Variants in TLDC2 observed in about 807,000 individuals in gnomAD.
TLDC2 encodes the protein TBC/LysM-associated domain containing 2.
In TLDC2, 23 loss-of-function variants were observed where a neutral mutation model predicts 27.9. That is an observed-to-expected ratio of 0.82 (90% CI 0.59 to 1.17). TLDC2 has a LOEUF of 1.17. Ranked by LOEUF, TLDC2 falls within the 50% of genes most tolerant of loss-of-function variation. TLDC2 has a pLI of 0.00. For missense variants in TLDC2, 286 were observed against 273.4 expected (o/e 1.05, Z -0.32); for synonymous variants, 124 against 107.4 (o/e 1.16, Z -0.96).
At chr20:36,880,809 G>A in intron 4 of TLDC2, 59 bp downstream of exon 4, 1 of 1,496,052 alleles carries the variant, frequency 6.7e-7, no homozygotes, top group Non-Finnish European at 9.3e-7. Flanking sequence ...AAGCTCCCGG[G>A]GTCCCAGTGG....
At chr20:36,884,944 T>C (rs1041693189) in intron 4 of TLDC2, among the ~76,000 whole-genome samples, 95 of 132,842 alleles carry the variant, frequency 7.2e-4, no homozygotes, top group African/African-American at 2.5e-3. Flanking sequence ...AGTGGGGCAA[T>C]CTCAGCTCAC....
In TLDC2 at chr20:36,893,222, G is replaced by C. The variant is rs139005678; in HGVS notation, c.*378G>C. 6,041 of 855,800 alleles carry C rather than the reference G, an allele frequency of 7.1e-3. 36 individuals are homozygous for C. The highest frequency in any genetic ancestry group is 0.012 in the South Asian group (757 of 64,758). 53.0% of individuals were successfully genotyped at this position (855,800 alleles called of 1,614,324 possible). A position where few individuals can be genotyped will look rare whatever the true frequency, so the allele number is the denominator to read the frequency against. ...GGAAACTCCAAATTACATATGCCCT[G>C]TGCTTGGGGCAAATTAGAAACACTA... On this transcript the variant is annotated 3_prime_UTR_variant, in exon 7 of 7. Transcript: ENST00000217320.
intron 6 of TLDC2, chr20:36,890,978 A>T (rs1326032594): frequency 6.6e-6 from 1 of 152,190 alleles, no homozygotes; most frequent in Admixed American, 6.6e-5. Flanking sequence ...GATACACAGA[A>T]ATAAAATGAT....
rs1406821429 is a variant in TLDC2 at position 36,893,219 on chromosome 20, C to T, written c.*375C>T. ...CAGGGAAACTCCAAATTACATATGC[C>T]CTGTGCTTGGGGCAAATTAGAAACA... On this transcript the variant is annotated 3_prime_UTR_variant, in exon 7 of 7. Transcript: ENST00000217320. The T allele has an allele frequency of 9.8e-6, 9 of 918,608 alleles. No homozygotes were observed. Among genetic ancestry groups the T allele is most frequent in the Non-Finnish European group, 1.5e-5 (9 of 596,336 alleles). The allele number at this position is 918,608 out of a possible 1,614,324, so 56.9% of individuals were successfully genotyped here.
At chr20:36,892,277 G>A (rs1990094804) in intron 6 of TLDC2, 1 of 155,392 alleles carries the variant, frequency 6.4e-6, no homozygotes, top group African/African-American at 2.4e-5. Flanking sequence ...CTGGCACCTT[G>A]TAGGGGGCTA....
intron 1 of TLDC2, 133 bp downstream of exon 1, chr20:36,876,340 C>A: frequency 8.0e-7 from 1 of 1,244,018 alleles, no homozygotes. Context: ...CCCTGGCAGG[C>A]CTGTGGTTTG....
chr20:36,887,223 A>T (rs1220275620), intron 4 of TLDC2, among the ~76,000 whole-genome samples: 1 of 152,116 alleles, frequency 6.6e-6, no homozygotes, highest in Non-Finnish European at 1.5e-5. Context: ...CTATTCTAGA[A>T]CAAAGAGGCT....
At position 36,880,520 on chromosome 20, in the gene TLDC2, C is replaced by T. The variant is rs1208842719; in HGVS notation, c.343-135C>T. 6.2e-6 allele frequency: 4 copies of T among 645,282 alleles called. No homozygotes were observed. In the East Asian group the frequency reaches 8.1e-5, roughly 13 times the overall value. The allele number at this position is 645,282 out of a possible 1,614,324, so 40.0% of individuals were successfully genotyped here. On this transcript the variant is annotated intron_variant, in intron 3 of 6. Coordinates refer to ENST00000217320, the MANE Select transcript of TLDC2 (RefSeq NM_080628.3). ...AGGATTCCTGCTCTTGGGTGTGGAG[C>T]CCCCATGCCCCAGCTCTGCCCCAGC...
chr20:36,886,016 G>A (rs1989913112), intron 4 of TLDC2, among the ~76,000 whole-genome samples: 1 of 152,138 alleles, frequency 6.6e-6, no homozygotes, highest in African/African-American at 2.4e-5. Context: ...ATGGGCTTTG[G>A]GTGTTCCAGG....
chr20:36,888,413 A>G (rs1217850379), intron 5 of TLDC2, among the ~76,000 whole-genome samples: 4 of 151,792 alleles, frequency 2.6e-5, no homozygotes, highest in Admixed American at 2.6e-4. Flanking sequence ...TGTATTAAGA[A>G]TTGCTATCTT....
rs1163529687 is a variant in TLDC2 at position 36,877,396 on chromosome 20, AGG to A, written c.34-502_34-501del. On this transcript the variant is annotated intron_variant, in intron 1 of 6. Coordinates refer to ENST00000217320, the MANE Select transcript of TLDC2 (RefSeq NM_080628.3). ...ACCCTGTCTCAAAAAAAAAAAAAAA[AGG>A]AAAAAGAAAAAAGAAGAAGAAACAC... 4.3e-3 allele frequency among the ~76,000 whole-genome samples: 639 copies of A among 148,608 alleles called. 5 individuals are homozygous for A. Among genetic ancestry groups the A allele is most frequent in the African/African-American group, 0.015 (597 of 40,422 alleles).
intron 1 of TLDC2, among the ~76,000 whole-genome samples, chr20:36,876,673 TCACA>T (rs566494916): frequency 1.3e-4 from 19 of 149,916 alleles, no homozygotes; most frequent in Admixed American, 3.3e-4. Context: ...ACACACACAC[TCACA>T]CACTCAAACA....
intron 1 of TLDC2, 21 bp downstream of exon 1, chr20:36,876,228 T>G: frequency 6.2e-7 from 1 of 1,614,106 alleles, no homozygotes; most frequent in Non-Finnish European, 8.5e-7. Flanking sequence ...CAACTCCGTC[T>G]GTGGTGCAGG....
chr20:36,878,107 ACCCTCCTG>A, intron 2 of TLDC2, 53 bp downstream of exon 2: 1 of 1,560,464 alleles, frequency 6.4e-7, no homozygotes, highest in Non-Finnish European at 8.7e-7. Flanking sequence ...TAAGAGTCTC[ACCCTCCTG>A]CCCTACACCA....
At chr20:36,878,895 G>A in intron 2 of TLDC2, 146 bp from the exon 3 acceptor site, 1 of 1,183,614 alleles carries the variant, frequency 8.4e-7, no homozygotes, top group Admixed American at 1.9e-5. Flanking sequence ...TATGGCTGAT[G>A]GCATGAAAGT....
intron 4 of TLDC2, among the ~76,000 whole-genome samples, chr20:36,884,646 T>C (rs1324545074): frequency 6.6e-6 from 1 of 151,900 alleles, no homozygotes; most frequent in Non-Finnish European, 1.5e-5. Flanking sequence ...TAGTCCCAGC[T>C]ACCCCTGAGG....
chr20:36,891,057 C>A (rs189243836), intron 6 of TLDC2: 1 of 152,252 alleles, frequency 6.6e-6, no homozygotes, highest in Admixed American at 6.5e-5. Flanking sequence ...TATAGAGGCA[C>A]CTTGGCTAAA....
intron 6 of TLDC2, chr20:36,891,751 G>A: frequency 6.6e-6 from 1 of 152,664 alleles, no homozygotes; most frequent in African/African-American, 2.4e-5. Context: ...GCAATGGCGT[G>A]ATCTAGGCTC....
intron 4 of TLDC2, 133 bp downstream of exon 4, chr20:36,880,883 G>C: frequency 7.4e-6 from 6 of 815,052 alleles, no homozygotes; most frequent in Non-Finnish European, 8.1e-6. Flanking sequence ...AGGGGAATGA[G>C]CAGGGCAGTG....
Sources: allele counts gnomAD v4.1 joint callset (sites outside exome capture counted in the v4.1 genomes callset), GRCh38; gene constraint gnomAD v4.1.1; transcripts MANE v1.5; gene names NCBI Gene and HGNC (gene_info 2026-07-23, HGNC 2026-07-21).